Variants in TNR observed in about 807,000 individuals in gnomAD.
The protein encoded by TNR is tenascin-R.
A neutral mutation model predicts 150.4 loss-of-function variants in TNR; 45 were observed. The ratio of observed to expected loss-of-function variants is 0.30; its 90% CI spans 0.24 to 0.38. The LOEUF (loss-of-function observed/expected upper bound fraction) is 0.38. TNR is among the 10% of genes least tolerant of loss of function. TNR has a pLI of 1.00. For synonymous variants in TNR, 687 were observed against 678.4 expected (o/e 1.01, Z -0.20); for missense variants, 1,544 against 1,759.1 (o/e 0.88, Z 2.19).
chr1:175,653,211 A>T (rs1665055741), intron 1 of TNR, among the ~76,000 whole-genome samples: 1 of 152,246 alleles, frequency 6.6e-6, no homozygotes, highest in Non-Finnish European at 1.5e-5. Flanking sequence ...CATTTGCCAT[A>T]GCTTTGTTTG....
chr1:175,683,872 T>C (rs1207763377), intron 1 of TNR, among the ~76,000 whole-genome samples: 2 of 152,210 alleles, frequency 1.3e-5, no homozygotes, highest in Non-Finnish European at 2.9e-5. Flanking sequence ...CAGTTCTGCT[T>C]TCAGGCAGCT....
chr1:175,521,783 C>T (rs1368915992), intron 2 of TNR, among the ~76,000 whole-genome samples: 2 of 152,134 alleles, frequency 1.3e-5, no homozygotes, highest in Non-Finnish European at 2.9e-5. Context: ...TCTCTGGTCT[C>T]CTCCTCTCCC....
At chr1:175,475,252 C>T (rs747257699) in intron 2 of TNR, among the ~76,000 whole-genome samples, 4 of 152,182 alleles carry the variant, frequency 2.6e-5, no homozygotes, top group African/African-American at 4.8e-5. Context: ...TTGCTCCTAG[C>T]GTCATCTCCC....
chr1:175,470,316 TC>T (rs777338226), intron 2 of TNR, among the ~76,000 whole-genome samples: 23 of 151,850 alleles, frequency 1.5e-4, no homozygotes, highest in Non-Finnish European at 3.1e-4. Flanking sequence ...CATAGGGGGA[TC>T]ATCAGCATGC....
At chr1:175,628,589 A>T (rs1221599142) in intron 1 of TNR, among the ~76,000 whole-genome samples, 2 of 151,782 alleles carry the variant, frequency 1.3e-5, no homozygotes, top group African/African-American at 4.8e-5. Flanking sequence ...ATATGAGCTC[A>T]TTGGGTGGTT....
chr1:175,641,322 A>G (rs917173902), intron 1 of TNR, among the ~76,000 whole-genome samples: 1 of 152,096 alleles, frequency 6.6e-6, no homozygotes. Flanking sequence ...AAGAAAAAAG[A>G]GAGAGAGAAA....
chr1:175,512,320 T>C (rs992184914), intron 2 of TNR, among the ~76,000 whole-genome samples: 2 of 152,206 alleles, frequency 1.3e-5, no homozygotes, highest in Non-Finnish European at 2.9e-5. Context: ...ATTCTAAGTG[T>C]AAATTAGAAA....
intron 1 of TNR, among the ~76,000 whole-genome samples, chr1:175,635,283 T>C (rs1473138489): frequency 6.6e-6 from 1 of 152,220 alleles, no homozygotes; most frequent in Non-Finnish European, 1.5e-5. Context: ...CTCGAGTGTG[T>C]TCACCAACAT....
chr1:175,724,249 C>A (rs1205311781), intron 1 of TNR, among the ~76,000 whole-genome samples: 1 of 152,190 alleles, frequency 6.6e-6, no homozygotes. Context: ...ATGATGCTGG[C>A]ATCTGCTTGT....
intron 2 of TNR, among the ~76,000 whole-genome samples, chr1:175,434,449 C>T (rs1655408945): frequency 6.6e-6 from 1 of 152,170 alleles, no homozygotes; most frequent in South Asian, 2.1e-4. Flanking sequence ...CGCGGCTGCT[C>T]GCTGGCACCC....
At chr1:175,451,326 T>C (rs1019414111) in intron 2 of TNR, among the ~76,000 whole-genome samples, 1 of 152,086 alleles carries the variant, frequency 6.6e-6, no homozygotes, top group African/African-American at 2.4e-5. Flanking sequence ...ACCCATTAAC[T>C]CGTCATTTAC....
At chr1:175,361,026 A>G (rs1651563779) in intron 14 of TNR, among the ~76,000 whole-genome samples, 1 of 152,238 alleles carries the variant, frequency 6.6e-6, no homozygotes, top group Non-Finnish European at 1.5e-5. Context: ...TGTACCAAAT[A>G]TCTGCTTTAG....
In TNR at chr1:175,374,001, C is replaced by T. The variant is rs573408970; in HGVS notation, c.1963+5551G>A. ...AAGTGACCACTTGGGGTCACTGTGA[C>T]TTCGCCCAAAGGAGGCTGAGCACTG... On this transcript the variant is annotated intron_variant, in intron 9 of 22. Transcript: ENST00000367674. 1.9e-4 allele frequency among the ~76,000 whole-genome samples: 29 copies of T among 152,346 alleles called. No homozygotes were observed. In the South Asian group the frequency reaches 6.0e-3, roughly 32 times the overall value.
At position 175,506,362 on chromosome 1, in the gene TNR, C is replaced by T. The variant is rs546379702; in HGVS notation, c.-64+21907G>A. Among the ~76,000 whole-genome samples, 32 of 152,340 alleles carry T rather than the reference C, an allele frequency of 2.1e-4. No homozygotes were observed. The South Asian group carries it at 3.7e-3, about 18-fold the overall frequency. On this transcript the variant is annotated intron_variant, in intron 2 of 22. Coordinates refer to ENST00000367674, the MANE Select transcript of TNR (RefSeq NM_003285.3). ...GTTATATTCTAGCCAACATTCTAAA[C>T]ACTTATGTTAGCTCAGAAACTAAAT...
chr1:175,557,970 T>A (rs138486078), intron 1 of TNR, among the ~76,000 whole-genome samples: 13,117 of 100,978 alleles, frequency 0.13, 992 homozygotes, highest in Non-Finnish European at 0.16. Flanking sequence ...GTGTCCTTTG[T>A]AGGGACATGG....
chr1:175,498,093 AAAAC>A (rs1658566974), intron 2 of TNR, among the ~76,000 whole-genome samples: 1 of 151,924 alleles, frequency 6.6e-6, no homozygotes, highest in Non-Finnish European at 1.5e-5. Flanking sequence ...AACAACAACA[AAAAC>A]AAAACAAAAA....
chr1:175,335,989 T>C (rs1178730061), intron 19 of TNR, among the ~76,000 whole-genome samples, 182 bp from the exon 20 acceptor site: 1 of 152,244 alleles, frequency 6.6e-6, no homozygotes. Context: ...GCAGTTTTTG[T>C]AGGAGACACT....
intron 1 of TNR, among the ~76,000 whole-genome samples, chr1:175,730,233 C>T (rs142561323): frequency 5.9e-5 from 9 of 152,228 alleles, no homozygotes; most frequent in South Asian, 4.2e-4. Flanking sequence ...TTCTTTCTAC[C>T]GGGAGTGCCC....
In TNR at chr1:175,375,414, G is replaced by A. The variant is rs552885039; in HGVS notation, c.1963+4138C>T. Among the ~76,000 whole-genome samples the A allele has an allele frequency of 2.0e-5, 3 of 152,214 alleles. No homozygotes were observed. The East Asian group carries it at 5.8e-4, about 29-fold the overall frequency. ...AAAAGTCATTGCAGACATTGAGTCTGTTGTTCAGAAACAAATTCATATCCC... is the reference window on the plus strand; with the variant it reads ...AAAAGTCATTGCAGACATTGAGTCTATTGTTCAGAAACAAATTCATATCCC... On this transcript the variant is annotated intron_variant, in intron 9 of 22. Coordinates refer to ENST00000367674, the MANE Select transcript of TNR (RefSeq NM_003285.3).
Sources: gnomAD v4.1 joint callset for allele counts (sites outside exome capture counted in the v4.1 genomes callset) on GRCh38, gnomAD v4.1.1 for gene constraint, MANE v1.5 for transcripts, NCBI Gene and HGNC (gene_info 2026-07-23, HGNC 2026-07-21) for gene names.